Variants in RTF1 observed in about 807,000 individuals in gnomAD.
RTF1 encodes RNA polymerase-associated protein RTF1 homolog.
RTF1 carries 10 observed loss-of-function variants against 95.7 expected under a neutral mutation model. The ratio of observed to expected loss-of-function variants is 0.10; its 90% CI spans 0.06 to 0.18. The LOEUF (loss-of-function observed/expected upper bound fraction) is 0.18. Ranked by LOEUF, RTF1 falls within the 10% of genes least tolerant of loss-of-function variation. RTF1 has a pLI of 1.00. For synonymous variants in RTF1, 305 were observed against 311.8 expected (o/e 0.98, Z 0.23); for missense variants, 458 against 875.6 (o/e 0.52, Z 6.02).
intron 2 of RTF1, among the ~76,000 whole-genome samples, chr15:41,439,753 G>A (rs939518212): frequency 6.6e-6 from 1 of 152,136 alleles, no homozygotes; most frequent in African/African-American, 2.4e-5. Context: ...TCGGGTTCAA[G>A]CGATTCTCCT....
chr15:41,432,487 GC>G (rs2050680287), intron 1 of RTF1, among the ~76,000 whole-genome samples: 1 of 151,992 alleles, frequency 6.6e-6, no homozygotes, highest in Admixed American at 6.6e-5. Flanking sequence ...GTGAGCCACT[GC>G]GCCCGGCCTA....
chr15:41,447,280 C>T (rs1263133496), intron 2 of RTF1, among the ~76,000 whole-genome samples: 2 of 152,080 alleles, frequency 1.3e-5, no homozygotes, highest in Admixed American at 6.6e-5. Context: ...CTTTACTTTC[C>T]TGCCTTCATC....
At chr15:41,460,707 T>G (rs1423090844) in intron 4 of RTF1, among the ~76,000 whole-genome samples, 1 of 151,968 alleles carries the variant, frequency 6.6e-6, no homozygotes, top group Non-Finnish European at 1.5e-5. Flanking sequence ...AATTTTTTTT[T>G]TTTTTAGACA....
chr15:41,483,509 C>G lies in RTF1; in HGVS notation c.*2822C>G, dbSNP rs1170344699. ...TTTGCTTTTGTGAAGTCCTGACTTG[C>G]CACTCAAACTGTACCAATATTGTAA... On this transcript the variant is annotated 3_prime_UTR_variant, in exon 18 of 18. Transcript: ENST00000389629. The G allele has an allele frequency of 6.6e-6, 1 of 152,610 alleles. No homozygotes were observed. The highest frequency in any genetic ancestry group is 2.4e-5 in the African/African-American group (1 of 41,436). The allele number at this position is 152,610 out of a possible 1,614,324, so 9.5% of individuals were successfully genotyped here. A position where few individuals can be genotyped will look rare whatever the true frequency, so the allele number is the denominator to read the frequency against.
chr15:41,428,380 G>A (rs538507829), intron 1 of RTF1, among the ~76,000 whole-genome samples: 2 of 132,966 alleles, frequency 1.5e-5, no homozygotes, highest in African/African-American at 2.9e-5. Flanking sequence ...CCATTCTCCC[G>A]CCTCAGCCTC....
At chr15:41,435,947 C>T (rs770767130) in intron 1 of RTF1, among the ~76,000 whole-genome samples, 1 of 152,114 alleles carries the variant, frequency 6.6e-6, no homozygotes, top group Non-Finnish European at 1.5e-5. Flanking sequence ...GGTTTGAATC[C>T]TGGCTCTATC....
intron 3 of RTF1, among the ~76,000 whole-genome samples, chr15:41,453,319 C>T (rs2050797431): frequency 6.6e-6 from 1 of 152,096 alleles, no homozygotes; most frequent in Non-Finnish European, 1.5e-5. Flanking sequence ...ACCCTGAGTG[C>T]CTTTCCCTCC....
chr15:41,475,922 C>T (rs2050939834), intron 11 of RTF1, 103 bp downstream of exon 11: 1 of 632,200 alleles, frequency 1.6e-6, no homozygotes, highest in Admixed American at 3.0e-5. Context: ...TTTAGCTATG[C>T]ATGAAAATGA....
chr15:41,420,244 A>T (rs989151297), intron 1 of RTF1, among the ~76,000 whole-genome samples: 1 of 152,162 alleles, frequency 6.6e-6, no homozygotes, highest in African/African-American at 2.4e-5. Flanking sequence ...TCTTATTTGC[A>T]TTCTTGTTAT....
intron 8 of RTF1, among the ~76,000 whole-genome samples, chr15:41,473,651 C>G (rs2050927026): frequency 6.6e-6 from 1 of 152,166 alleles, no homozygotes. Flanking sequence ...CAACCTTGAA[C>G]TCCTGGACTC....
At chr15:41,465,193 G>A (rs1436819710) in intron 5 of RTF1, among the ~76,000 whole-genome samples, 2 of 137,658 alleles carry the variant, frequency 1.5e-5, no homozygotes, top group African/African-American at 5.5e-5. Flanking sequence ...CCTTTCCCTG[G>A]TCTCATTATG....
intron 4 of RTF1, among the ~76,000 whole-genome samples, chr15:41,458,733 C>G (rs575899516): frequency 6.6e-6 from 1 of 151,036 alleles, no homozygotes; most frequent in Non-Finnish European, 1.5e-5. Flanking sequence ...TTGGTGAGAG[C>G]GAGACTCTGT....
chr15:41,438,680 G>A (rs2050717309), intron 2 of RTF1, among the ~76,000 whole-genome samples: 1 of 152,018 alleles, frequency 6.6e-6, no homozygotes, highest in Admixed American at 6.6e-5. Flanking sequence ...GGCCAACATG[G>A]TGAAACCCTG....
chr15:41,476,792 A>G (rs149557853), intron 12 of RTF1, among the ~76,000 whole-genome samples: 3 of 152,336 alleles, frequency 2.0e-5, no homozygotes, highest in African/African-American at 4.8e-5. Context: ...CTGGGGTGGT[A>G]TTTAACACTG....
intron 14 of RTF1, 160 bp from the exon 15 acceptor site, chr15:41,478,388 G>A (rs1168258871): frequency 4.8e-6 from 3 of 624,698 alleles, no homozygotes; most frequent in African/African-American, 3.8e-5. Flanking sequence ...GCGACAGGGC[G>A]AGACTCCATC....
chr15:41,465,879 C>A (rs1341996755), intron 5 of RTF1, among the ~76,000 whole-genome samples: 1 of 152,172 alleles, frequency 6.6e-6, no homozygotes, highest in Non-Finnish European at 1.5e-5. Context: ...GTAATCCCAA[C>A]ATTAGCTGTG....
In RTF1 at chr15:41,470,242, CTTCT is replaced by C. The variant is rs747105185; in HGVS notation, c.890-6_890-3del. 1.9e-6 allele frequency: 3 copies of C among 1,607,094 alleles called. No individual in the cohort carries two copies. Among genetic ancestry groups the C allele is most frequent in the East Asian group, 2.2e-5 (1 of 44,742 alleles). ...GTTGAGAAAACCTAGGTAAACATCT[CTTCT>C]TTCTTTCTAGCTGAGCTCCTTGCCA... On this transcript the variant is annotated splice_polypyrimidine_tract_variant and intron_variant, in intron 6 of 17. Transcript: ENST00000389629.
rs540135215 is a variant in RTF1, at chr15:41,456,002, G to T, written c.458-1670G>T. On this transcript the variant is annotated intron_variant, in intron 3 of 17. Transcript: ENST00000389629. ...CCAAGACGGGGATCACCTGAGGTCA[G>T]GAGTTCGAGACCAGCTGGACCAACA... Among the ~76,000 whole-genome samples the T allele has an allele frequency of 3.3e-5, 5 of 151,994 alleles. No individual in the cohort carries two copies. In the South Asian group the frequency reaches 1.0e-3, roughly 32 times the overall value.
intron 1 of RTF1, among the ~76,000 whole-genome samples, chr15:41,427,795 T>G (rs2050643998): frequency 6.6e-6 from 1 of 151,948 alleles, no homozygotes. Context: ...CAAGTTTTAT[T>G]TTTTTTTGAA....
Sources: gnomAD v4.1 joint callset for allele counts (sites outside exome capture counted in the v4.1 genomes callset) on GRCh38, gnomAD v4.1.1 for gene constraint, MANE v1.5 for transcripts, NCBI Gene and HGNC (gene_info 2026-07-23, HGNC 2026-07-21) for gene names.